Variants in TPTE2 observed in about 807,000 individuals in gnomAD.
The protein encoded by TPTE2 is transmembrane phosphoinositide 3-phosphatase and tensin homolog 2.
Under a neutral mutation model 78.6 loss-of-function variants are expected in TPTE2, and 53 were observed. The ratio of observed to expected loss-of-function variants is 0.67; its 90% CI spans 0.54 to 0.85. TPTE2 has a LOEUF of 0.85. Ranked by LOEUF, TPTE2 falls within the 40% of genes least tolerant of loss-of-function variation. The probability of loss-of-function intolerance (pLI) is 0.00; values close to 1 mark genes in which losing one functional copy is unlikely to be tolerated. For synonymous variants in TPTE2, 175 were observed against 206.2 expected, an observed-to-expected ratio of 0.85 and a Z score of 1.30; for missense variants, 461 against 623.0, an observed-to-expected ratio of 0.74 and a Z score of 2.77.
upstream of TPTE2, among the ~76,000 whole-genome samples, chr13:19,506,110 A>C (rs1383702831): frequency 7.4e-6 from 1 of 135,774 alleles, no homozygotes; most frequent in South Asian, 2.7e-4. Context: ...TGTATGCATG[A>C]GTGTATGTTA....
At chr13:19,528,409 A>G (rs548651492) in intron 1 of TPTE2, among the ~76,000 whole-genome samples, 2 of 151,984 alleles carry the variant, frequency 1.3e-5, no homozygotes, top group East Asian at 3.9e-4. Flanking sequence ...AAGCCTATTT[A>G]TATACTTATT....
At chr13:19,546,072 T>G in the TPTE2 span, among the ~76,000 whole-genome samples, 1 of 152,104 alleles carries the variant, frequency 6.6e-6, no homozygotes. Flanking sequence ...CATGCACCTG[T>G]AGTCTTAGTA....
intron 3 of TPTE2, among the ~76,000 whole-genome samples, chr13:19,485,435 G>T (rs1256171209): frequency 1.3e-5 from 2 of 151,944 alleles, no homozygotes. Flanking sequence ...GTCTAATGGG[G>T]ATTCCATTAT....
At chr13:19,473,573 G>T (rs9578055) in intron 6 of TPTE2, among the ~76,000 whole-genome samples, 28,017 of 149,134 alleles carry the variant, frequency 0.19, 3,651 homozygotes, top group African/African-American at 0.37. Flanking sequence ...TGTGGTGAAT[G>T]CTCCTGTTAA....
chr13:19,549,932 T>C, the TPTE2 span, among the ~76,000 whole-genome samples: 15,589 of 59,304 alleles, frequency 0.26, 3,465 homozygotes, highest in East Asian at 0.68. Flanking sequence ...TCCTCATTTA[T>C]AAGTGGGAGC....
rs189587876 is a variant in TPTE2, at chr13:19,526,092, T to C, written c.-44+10504A>G. Among the ~76,000 whole-genome samples the C allele has an allele frequency of 5.3e-3, 803 of 152,284 alleles. 5 individuals are homozygous for C. Among genetic ancestry groups the C allele is most frequent in the Middle Eastern group, 0.017 (5 of 294 alleles). On this transcript the variant is annotated intron_variant, in intron 1 of 17. Transcript: ENST00000390680. ...AATGCTTATACACTACTGGTGGATA[T>C]GTAAATTAGTTCAGCCATTATGGAA...
chr13:19,518,880 G>A (rs1363720071), intron 1 of TPTE2, among the ~76,000 whole-genome samples: 1 of 152,176 alleles, frequency 6.6e-6, no homozygotes, highest in Non-Finnish European at 1.5e-5. Context: ...GGTGACTATA[G>A]AAAATCACAG....
chr13:19,497,063 C>T (rs1209364002), intron 1 of TPTE2, among the ~76,000 whole-genome samples: 1 of 152,174 alleles, frequency 6.6e-6, no homozygotes, highest in East Asian at 1.9e-4. Flanking sequence ...AATCGGGTCA[C>T]TCCCACCCGA....
At chr13:19,498,406 G>T (rs1404739844) in intron 1 of TPTE2, among the ~76,000 whole-genome samples, 1 of 151,508 alleles carries the variant, frequency 6.6e-6, no homozygotes, top group Non-Finnish European at 1.5e-5. Context: ...AAGAAAGGTC[G>T]GGTTACCCTC....
At chr13:19,438,423 A>G in intron 13 of TPTE2, 1 of 985,470 alleles carries the variant, frequency 1.0e-6, no homozygotes, top group Non-Finnish European at 1.2e-6. Flanking sequence ...AATCTATAAG[A>G]AAGCAACAAT....
the TPTE2 span, among the ~76,000 whole-genome samples, chr13:19,548,281 C>G: frequency 6.6e-6 from 1 of 151,552 alleles, no homozygotes; most frequent in Non-Finnish European, 1.5e-5. Flanking sequence ...ATTTTTCTGT[C>G]AGTACTTTAA....
intron 3 of TPTE2, among the ~76,000 whole-genome samples, chr13:19,488,774 C>T (rs967636134): frequency 2.0e-5 from 3 of 152,184 alleles, no homozygotes; most frequent in East Asian, 1.9e-4. Context: ...TTTGCTTTCT[C>T]ATCATTTGTA....
chr13:19,505,165 C>T (rs187601871), upstream of TPTE2, among the ~76,000 whole-genome samples: 12 of 151,870 alleles, frequency 7.9e-5, no homozygotes, highest in East Asian at 2.3e-3. Flanking sequence ...TTTTTTTAGG[C>T]GGATTCTCAC....
At chr13:19,453,041 T>TTTTATTTTA (rs1878292440) in intron 10 of TPTE2, among the ~76,000 whole-genome samples, 2 of 148,956 alleles carry the variant, frequency 1.3e-5, no homozygotes, top group African/African-American at 4.9e-5. Flanking sequence ...TTTTATTTTA[T>TTTTATTTTA]TTTGAGATGG....
chr13:19,561,573 C>G, the TPTE2 span, among the ~76,000 whole-genome samples: 4 of 152,154 alleles, frequency 2.6e-5, no homozygotes, highest in Non-Finnish European at 5.9e-5. Flanking sequence ...GACCTTTGAC[C>G]CAGAGAGGAG....
chr13:19,431,205 T>C (rs1876575554), intron 16 of TPTE2, among the ~76,000 whole-genome samples: 1 of 152,104 alleles, frequency 6.6e-6, no homozygotes, highest in African/African-American at 2.4e-5. Flanking sequence ...ATATGTTGCT[T>C]TCTTCAGACT....
At chr13:19,515,683 A>T (rs1869748254) in intron 1 of TPTE2, among the ~76,000 whole-genome samples, 1 of 152,238 alleles carries the variant, frequency 6.6e-6, no homozygotes, top group Non-Finnish European at 1.5e-5. Context: ...TTTCAGCAGG[A>T]TGAATAATTG....
chr13:19,446,405 G>A (rs948931831), intron 13 of TPTE2, among the ~76,000 whole-genome samples: 3 of 152,056 alleles, frequency 2.0e-5, no homozygotes, highest in African/African-American at 7.2e-5. Context: ...CAAATTAATG[G>A]AGAACAAAAT....
chr13:19,463,561 T>C, intron 10 of TPTE2, among the ~76,000 whole-genome samples: 1 of 152,204 alleles, frequency 6.6e-6, no homozygotes, highest in East Asian at 1.9e-4. Context: ...GCTTTTCATG[T>C]TTCTTGTGGC....
Sources: allele counts gnomAD v4.1 joint callset (sites outside exome capture counted in the v4.1 genomes callset), GRCh38; gene constraint gnomAD v4.1.1; transcripts MANE v1.5; gene names NCBI Gene and HGNC (gene_info 2026-07-23, HGNC 2026-07-21).